The following BIVM variants were observed in gnomAD, a reference collection of about 807,000 sequenced individuals.
The protein encoded by BIVM is basic immunoglobulin-like variable motif-containing protein.
A neutral mutation model predicts 61.4 loss-of-function variants in BIVM; 31 were observed. That is an observed-to-expected ratio of 0.51 (90% CI 0.38 to 0.68). The LOEUF is 0.68. Among genes scored for constraint, BIVM ranks in the 30% least tolerant of loss-of-function variants. BIVM has a pLI of 0.00. For synonymous variants in BIVM, 189 were observed against 210.7 expected, an observed-to-expected ratio of 0.90 and a Z score of 0.89; for missense variants, 526 against 596.0, an observed-to-expected ratio of 0.88 and a Z score of 1.22.
In BIVM at chr13:102,838,625, C is replaced by T. The variant is rs773470630; in HGVS notation, c.1122-18C>T. ...GACCTAAAGAAAATTGTGCTTTATC[C>T]TTTCTTCTTAACTATAGATGGGCAG... On this transcript the variant is annotated intron_variant, in intron 9 of 10. Transcript: ENST00000257336. 3 of 1,588,130 alleles carry T rather than the reference C, an allele frequency of 1.9e-6. No homozygotes were observed. In the South Asian group the frequency reaches 3.5e-5, roughly 19 times the overall value.
chr13:102,804,330 A>C (rs1878926315), intron 1 of BIVM, among the ~76,000 whole-genome samples: 1 of 149,572 alleles, frequency 6.7e-6, no homozygotes, highest in South Asian at 2.1e-4. Context: ...CTTTTTTTTG[A>C]GATGGAGTTT....
chr13:102,804,036 A>C (rs988746029), intron 1 of BIVM, among the ~76,000 whole-genome samples: 2 of 152,248 alleles, frequency 1.3e-5, no homozygotes, highest in African/African-American at 4.8e-5. Context: ...GAAAGTTTTC[A>C]AAGTGAAACC....
At chr13:102,809,974 T>A (rs925952536) in intron 3 of BIVM, among the ~76,000 whole-genome samples, 3 of 151,916 alleles carry the variant, frequency 2.0e-5, no homozygotes, top group Non-Finnish European at 4.4e-5. Flanking sequence ...TTTAGTAGGG[T>A]CGGGGTTTCA....
At chr13:102,835,009 C>T (rs1454656012) in intron 9 of BIVM, among the ~76,000 whole-genome samples, 1 of 152,094 alleles carries the variant, frequency 6.6e-6, no homozygotes, top group Non-Finnish European at 1.5e-5. Context: ...CAATGAAGCT[C>T]TTGGGAACAT....
At chr13:102,827,260 A>T (rs1297873869) in intron 7 of BIVM, among the ~76,000 whole-genome samples, 1 of 139,846 alleles carries the variant, frequency 7.2e-6, no homozygotes, top group Non-Finnish European at 1.5e-5. Flanking sequence ...GATGTGTAGC[A>T]TTGGGTCCCA....
Position 102,841,386 on chromosome 13 carries a change from T to A in BIVM, c.*1521T>A, listed in dbSNP as rs1881779959. 6.6e-6 allele frequency: 1 copy of A among 152,648 alleles called. No homozygotes were observed. The highest frequency in any genetic ancestry group is 6.5e-5 in the Admixed American group (1 of 15,286). 9.5% of individuals were successfully genotyped at this position (152,648 alleles called of 1,614,324 possible). A position where few individuals can be genotyped will look rare whatever the true frequency, so the allele number is the denominator to read the frequency against. On this transcript the variant is annotated 3_prime_UTR_variant, in exon 11 of 11. Coordinates refer to ENST00000257336, the MANE Select transcript of BIVM (RefSeq NM_017693.4). ...CATGCCTAGCCTACAGAAGGGGATA[T>A]ATATTATGAAATGGTCATTTTTCTG...
chr13:102,800,002 G>T (rs1282138522), intron 1 of BIVM, among the ~76,000 whole-genome samples: 2 of 152,174 alleles, frequency 1.3e-5, no homozygotes, highest in Admixed American at 6.5e-5. Flanking sequence ...CGGGCTCACC[G>T]CCCTGGTCAG....
chr13:102,800,588 G>C (rs1878692844), intron 1 of BIVM: 1 of 152,280 alleles, frequency 6.6e-6, no homozygotes, highest in South Asian at 2.1e-4. Flanking sequence ...CGGCGGCCTC[G>C]GAGCCCGGCC....
At position 102,804,170 on chromosome 13, in the gene BIVM, A is replaced by G. The variant is rs113437291; in HGVS notation, c.-206-1137A>G. On this transcript the variant is annotated intron_variant, in intron 1 of 10. Coordinates refer to ENST00000257336, the MANE Select transcript of BIVM (RefSeq NM_017693.4). The stretch of plus-strand genomic sequence containing the variant: ...TTTGTTTGTTTGTTCGTTTCGAGAC[A>G]AGATGGAGTGCAGGTCACCCAGGCT... Among the ~76,000 whole-genome samples the G allele has an allele frequency of 9.4e-4, 143 of 152,330 alleles. 1 individual carries two copies. Among genetic ancestry groups the G allele is most frequent in the African/African-American group, 3.3e-3 (137 of 41,590 alleles).
chr13:102,839,976 T>G lies in BIVM; in HGVS notation c.*111T>G, dbSNP rs1289284114. On this transcript the variant is annotated 3_prime_UTR_variant, in exon 11 of 11. Transcript: ENST00000257336. Reference sequence around the variant, plus strand: ...CTACATTAAATAGGAGCAGATCTTGTGGTATAAAAAATAACCTTGTAGTTC... The same window carrying G: ...CTACATTAAATAGGAGCAGATCTTGGGGTATAAAAAATAACCTTGTAGTTC... The G allele has an allele frequency of 1.7e-6, 2 of 1,209,190 alleles. No individual in the cohort carries two copies. Among genetic ancestry groups the G allele is most frequent in the Non-Finnish European group, 2.3e-6 (2 of 873,670 alleles). 74.9% of individuals were successfully genotyped at this position (1,209,190 alleles called of 1,614,324 possible).
At chr13:102,826,471 A>G (rs1041660799) in intron 7 of BIVM, among the ~76,000 whole-genome samples, 2 of 152,212 alleles carry the variant, frequency 1.3e-5, no homozygotes, top group African/African-American at 4.8e-5. Context: ...ATAGTAAGAG[A>G]TTAAGATTGT....
At chr13:102,824,450 G>C (rs1034696089) in intron 7 of BIVM, among the ~76,000 whole-genome samples, 1 of 152,164 alleles carries the variant, frequency 6.6e-6, no homozygotes, top group African/African-American at 2.4e-5. Context: ...CCACAAAGGG[G>C]GTCATCTTGT....
intron 7 of BIVM, among the ~76,000 whole-genome samples, chr13:102,827,299 T>C (rs562210220): frequency 6.6e-6 from 1 of 152,114 alleles, no homozygotes; most frequent in African/African-American, 2.4e-5. Flanking sequence ...TTAACCTATT[T>C]GTTTAAATTT....
intron 7 of BIVM, among the ~76,000 whole-genome samples, chr13:102,823,782 A>C (rs1235343338): frequency 3.3e-5 from 5 of 152,226 alleles, no homozygotes; most frequent in African/African-American, 7.2e-5. Flanking sequence ...TTATTCTAAA[A>C]TATGTAGTTC....
intron 9 of BIVM, among the ~76,000 whole-genome samples, chr13:102,835,690 G>A (rs914324719): frequency 6.6e-6 from 1 of 152,078 alleles, no homozygotes; most frequent in African/African-American, 2.4e-5. Flanking sequence ...CCACTATCAC[G>A]CCCAGCTAAT....
chr13:102,825,118 A>AT (rs1163553279), intron 7 of BIVM, among the ~76,000 whole-genome samples: 13 of 151,080 alleles, frequency 8.6e-5, no homozygotes, highest in Non-Finnish European at 1.9e-4. Flanking sequence ...AATTTTTTGT[A>AT]TTTTTTTTAG....
In BIVM at chr13:102,839,584, T is replaced by C. The variant is rs762611640; in HGVS notation, c.1231T>C (p.Leu411=). ...TTTTTCTTCTCAGGTTGGGGGAAAT[T>C]TGCATTGCATCATAGCATTCCAGAG... ...YRKTKKVGGN[L]HCIIAFQRLN... The change falls in exon 11 of 11, where the codon TTG becomes CTG. Residue 411 remains leucine, a synonymous_variant. Coordinates refer to ENST00000257336, the MANE Select transcript of BIVM (RefSeq NM_017693.4). The C allele has an allele frequency of 6.2e-7, 1 of 1,613,370 alleles. No homozygotes were observed. Among genetic ancestry groups the C allele is most frequent in the East Asian group, 2.2e-5 (1 of 44,880 alleles).
At chr13:102,823,076 A>G (rs576342983) in intron 7 of BIVM, among the ~76,000 whole-genome samples, 1 of 152,288 alleles carries the variant, frequency 6.6e-6, no homozygotes, top group South Asian at 2.1e-4. Context: ...GGACGTCCGT[A>G]AGGAACTTGA....
At chr13:102,815,767 GCATGTATGAGTGTGTGTGCACATGCATA>G in intron 3 of BIVM, among the ~76,000 whole-genome samples, 1 of 152,328 alleles carries the variant, frequency 6.6e-6, no homozygotes, top group East Asian at 1.9e-4. Context: ...GTATGTGTGT[GCATGTATGAGTGTGTGTGCACATGCATA>G]CATAGATGCA....
Sources: gnomAD v4.1 joint callset for allele counts (sites outside exome capture counted in the v4.1 genomes callset) on GRCh38, gnomAD v4.1.1 for gene constraint, MANE v1.5 for transcripts, NCBI Gene and HGNC (gene_info 2026-07-23, HGNC 2026-07-21) for gene names.